NWD1: variants seen among roughly 807,000 people sequenced by gnomAD.
NWD1 encodes the protein NACHT domain- and WD repeat-containing protein 1.
In NWD1, 129 loss-of-function variants were observed where a neutral mutation model predicts 135.1. The ratio of observed to expected loss-of-function variants is 0.96; its 90% CI spans 0.83 to 1.11. The LOEUF (loss-of-function observed/expected upper bound fraction) is 1.11, where lower values mean the gene tolerates loss of function less well. NWD1 is among the 50% of genes least tolerant of loss of function. NWD1 has a pLI of 0.00. For missense variants in NWD1, 1,740 were observed against 1,851.3 expected (o/e 0.94, Z 1.10); for synonymous variants, 773 against 786.0 (o/e 0.98, Z 0.28).
chr19:16,780,083 A>G (rs1235459692), intron 12 of NWD1, among the ~76,000 whole-genome samples: 1 of 151,504 alleles, frequency 6.6e-6, no homozygotes, highest in Non-Finnish European at 1.5e-5. Flanking sequence ...AAATGAGGCA[A>G]CTCAACTTTG....
chr19:16,731,994 A>G (rs989501408), intron 3 of NWD1, among the ~76,000 whole-genome samples: 6 of 152,036 alleles, frequency 3.9e-5, no homozygotes, highest in African/African-American at 1.4e-4. Flanking sequence ...AGGCGGGCAG[A>G]TCGCTTGAGG....
chr19:16,730,104 A>G lies in NWD1; in HGVS notation c.-6-1088A>G, dbSNP rs926456961. ...TTTGGGAGGCCGAGGTGGGCAGATCACAAGGTCAGGAGATTGAAACCATCC... is the reference window on the plus strand; with the variant it reads ...TTTGGGAGGCCGAGGTGGGCAGATCGCAAGGTCAGGAGATTGAAACCATCC... On this transcript the variant is annotated intron_variant, in intron 2 of 18. Transcript: ENST00000524140. Among the ~76,000 whole-genome samples, 14 of 151,690 alleles carry G rather than the reference A, an allele frequency of 9.2e-5. No homozygotes were observed. The South Asian group carries it at 2.9e-3, about 32-fold the overall frequency.
At chr19:16,775,903 G>C (rs1158892664) in intron 11 of NWD1, among the ~76,000 whole-genome samples, 2 of 152,134 alleles carry the variant, frequency 1.3e-5, no homozygotes, top group Non-Finnish European at 1.5e-5. Context: ...CCTGACCTCA[G>C]GTGATCGCCT....
intron 12 of NWD1, among the ~76,000 whole-genome samples, chr19:16,785,327 C>T (rs1970001151): frequency 6.6e-6 from 1 of 151,992 alleles, no homozygotes; most frequent in African/African-American, 2.4e-5. Context: ...GCCTGGACAA[C>T]ATGGTGAAAC....
chr19:16,762,297 C>CTTTTTTT (rs71180331), intron 8 of NWD1, among the ~76,000 whole-genome samples, 159 bp downstream of exon 8: 70 of 118,108 alleles, frequency 5.9e-4, no homozygotes, highest in Non-Finnish European at 8.9e-4. Flanking sequence ...CCCCCCACTC[C>CTTTTTTT]TTTTTTTTTT....
At position 16,790,638 on chromosome 19, in the gene NWD1, A is replaced by AAAAATAAT. The variant is rs893745967; in HGVS notation, c.2941-709_2941-708insATAATAAA. On this transcript the variant is annotated intron_variant, in intron 13 of 18. Transcript: ENST00000524140. ...CCAAAACTGAAAGTAACATTAAAAA[A>AAAAATAAT]AAATAAATAAATAAATAAATAAATA... Among the ~76,000 whole-genome samples the AAAAATAAT allele has an allele frequency of 7.6e-3, 434 of 56,952 alleles. 2 individuals carry two copies. Among genetic ancestry groups the AAAAATAAT allele is most frequent in the Middle Eastern group, 0.057 (5 of 88 alleles). The allele number at this position is 56,952 out of a possible 152,430, so 37.4% of individuals were successfully genotyped here.
In NWD1 at chr19:16,765,178, A is replaced by G. The variant is rs1279306785; in HGVS notation, c.2396A>G (p.Glu799Gly). The change falls in exon 10 of 19, where the codon GAG becomes GGG. Residue 799 changes from glutamate (E) to glycine (G), a missense_variant. Glu to Gly is a moderately conservative substitution (Grantham distance 98, BLOSUM62 -2). Transcript: ENST00000524140. ...CTCCAGCTCTGCCGCCCTGCTGTGG[A>G]GCTCCGAGGCATGGGTGAGTCCAGA... ...EALQLCRPAV[E>G]LRGMERSLLY... 2.5e-6 allele frequency: 4 copies of G among 1,613,854 alleles called. No individual in the cohort carries two copies. In the Admixed American group the frequency reaches 6.7e-5, roughly 27 times the overall value.
chr19:16,771,438 A>G (rs180852490), intron 10 of NWD1, among the ~76,000 whole-genome samples: 56 of 152,320 alleles, frequency 3.7e-4, no homozygotes, highest in East Asian at 2.1e-3. Context: ...CGACAGAGCA[A>G]GACTCTGTCT....
chr19:16,772,575 G>C (rs567159956), intron 10 of NWD1, among the ~76,000 whole-genome samples: 194 of 152,256 alleles, frequency 1.3e-3, no homozygotes, highest in African/African-American at 4.4e-3. Flanking sequence ...GAACCTGGGA[G>C]GTGCAGGTTG....
At chr19:16,773,014 G>C (rs961928294) in intron 10 of NWD1, 112 bp from the exon 11 acceptor site, 45 of 844,966 alleles carry the variant, frequency 5.3e-5, no homozygotes, top group Non-Finnish European at 8.1e-5. Context: ...CAGTAGCTGA[G>C]GTATTGTGTC....
In NWD1 at chr19:16,749,862, T is replaced by C. The variant is rs1173406870; in HGVS notation, c.1220T>C (p.Leu407Pro). The C allele has an allele frequency of 5.6e-6, 9 of 1,613,054 alleles. No individual in the cohort carries two copies. Among genetic ancestry groups the C allele is most frequent in the Non-Finnish European group, 7.6e-6 (9 of 1,179,796 alleles). Residue 407 changes from leucine to proline, a missense_variant, in exon 6 of 19, where the codon CTG becomes CCG. Leu to Pro is a moderately conservative substitution (Grantham distance 98). Coordinates refer to ENST00000524140, the MANE Select transcript of NWD1 (RefSeq NM_001007525.5). ...CTGCCCTTGCCCCCTGCCCAGGTTC[T>C]GGACGCCCACACCAGGGTGGTCCAG... The part of the protein sequence containing the change: ...YGLPLPPAQV[L>P]DAHTRVVQFF...
intron 18 of NWD1, among the ~76,000 whole-genome samples, chr19:16,808,613 C>A (rs185261256): frequency 8.6e-4 from 130 of 151,470 alleles, no homozygotes; most frequent in African/African-American, 2.9e-3. Flanking sequence ...TTTTTGTTTT[C>A]ATTTTTTTTT....
intron 1 of NWD1, among the ~76,000 whole-genome samples, chr19:16,721,837 G>A (rs1163256567): frequency 6.6e-6 from 1 of 152,100 alleles, no homozygotes; most frequent in African/African-American, 2.4e-5. Flanking sequence ...CTGGCTGCCC[G>A]TGGTGGCTCA....
chr19:16,733,271 A>C (rs948175414), intron 3 of NWD1, among the ~76,000 whole-genome samples: 11 of 151,980 alleles, frequency 7.2e-5, no homozygotes, highest in Admixed American at 6.6e-4. Flanking sequence ...CTGTAATCCC[A>C]GCACTTTGGG....
In NWD1 at chr19:16,744,421, G is replaced by A. The variant is rs1968213806; in HGVS notation, c.199G>A (p.Ala67Thr). 2.6e-6 allele frequency: 4 copies of A among 1,535,224 alleles called. No individual in the cohort carries two copies. The highest frequency in any genetic ancestry group is 2.7e-5 in the African/African-American group (2 of 72,984). ...WKTSIGPAFV[A>T]LIGDQYGPCL... is the part of the protein sequence containing the mutation. ...GAATCTGTGACTTCCTCTCTGCCAG[G>A]CCCTCATCGGTGATCAGTACGGCCC... Residue 67 changes from alanine to threonine, a missense_variant and splice_region_variant, in exon 5 of 19, where the codon GCC becomes ACC. Ala to Thr is a moderately conservative substitution (Grantham distance 58). Transcript: ENST00000524140.
At chr19:16,803,791 G>T (rs1270733569) in intron 17 of NWD1, among the ~76,000 whole-genome samples, 1 of 151,810 alleles carries the variant, frequency 6.6e-6, no homozygotes, top group Admixed American at 6.6e-5. Flanking sequence ...TGGGCGTGGT[G>T]GTGTGTGCCT....
intron 12 of NWD1, among the ~76,000 whole-genome samples, chr19:16,783,977 C>T (rs571929094): frequency 2.0e-5 from 3 of 151,996 alleles, no homozygotes; most frequent in East Asian, 1.9e-4. Context: ...TTCGGGAGGC[C>T]GCGGATCACC....
chr19:16,790,783 G>T (rs1250215052), intron 13 of NWD1, among the ~76,000 whole-genome samples: 1 of 152,024 alleles, frequency 6.6e-6, no homozygotes, highest in African/African-American at 2.4e-5. Context: ...ATGTTGAAGT[G>T]ATACCACTTG....
intron 5 of NWD1, among the ~76,000 whole-genome samples, chr19:16,746,138 T>C (rs1348050900): frequency 6.8e-6 from 1 of 146,560 alleles, no homozygotes; most frequent in Non-Finnish European, 1.5e-5. Flanking sequence ...GTGGATTACT[T>C]GAGCCCCGAG....
Sources: gnomAD v4.1 joint callset for allele counts (sites outside exome capture counted in the v4.1 genomes callset) on GRCh38, gnomAD v4.1.1 for gene constraint, MANE v1.5 for transcripts, NCBI Gene and HGNC (gene_info 2026-07-23, HGNC 2026-07-21) for gene names.